NHSL2: variants seen among roughly 807,000 people sequenced by gnomAD.
NHSL2 encodes NHS like 2.
Under a neutral mutation model 53.4 loss-of-function variants are expected in NHSL2, and 27 were observed. The ratio of observed to expected loss-of-function variants is 0.51; its 90% CI spans 0.37 to 0.70. The LOEUF (loss-of-function observed/expected upper bound fraction) is 0.70. Ranked by LOEUF, NHSL2 falls within the 30% of genes least tolerant of loss-of-function variation. The pLI, the probability that NHSL2 is intolerant of heterozygous loss-of-function variation, is 0.00. For missense variants in NHSL2, 892 were observed against 980.1 expected (o/e 0.91, Z 1.20); for synonymous variants, 408 against 404.1 (o/e 1.01, Z -0.12).
At chrX:72,096,082 G>A (rs1360236016) in intron 1 of NHSL2, among the ~76,000 whole-genome samples, 1 of 109,005 alleles carries the variant, frequency 9.2e-6, no homozygotes, top group Non-Finnish European at 1.9e-5. Context: ...CGAGGTCCAA[G>A]CAGAAGGGAG....
intron 1 of NHSL2, among the ~76,000 whole-genome samples, chrX:72,110,824 C>T (rs749452525): frequency 2.6e-4 from 28 of 108,647 alleles, no homozygotes; most frequent in Admixed American, 7.9e-4. Context: ...CTCCTCAGCA[C>T]ACACGGCCAC....
rs996917483 is a variant in NHSL2, at chrX:72,138,952, C to T, written c.1404C>T (p.Pro468=). Residue 468 remains proline, a synonymous_variant, in exon 6 of 8, where the codon CCC becomes CCT. Coordinates refer to ENST00000633930, the MANE Select transcript of NHSL2 (RefSeq NM_001013627.3). ...GCCTTATTCAGCAAAGGCACATGCC[C>T]GAAAGACCCTCCAAGATTGGCCTTC... is the stretch of plus-strand genomic sequence containing the variant. ...PERLIQQRHM[P]ERPSKIGLLT... The T allele has an allele frequency of 2.4e-5, 29 of 1,203,148 alleles. No individual in the cohort carries two copies. The highest frequency in any genetic ancestry group is 2.9e-5 in the Non-Finnish European group (26 of 891,549).
At chrX:72,104,261 C>T (rs2042020496) in intron 1 of NHSL2, among the ~76,000 whole-genome samples, 1 of 112,505 alleles carries the variant, frequency 8.9e-6, no homozygotes, top group Non-Finnish European at 1.9e-5. Context: ...GCTCATGTTA[C>T]TTAATGTGTT....
At chrX:71,992,400 A>G (rs1018274591) in intron 1 of NHSL2, among the ~76,000 whole-genome samples, 3 of 111,442 alleles carry the variant, frequency 2.7e-5, no homozygotes, top group Non-Finnish European at 5.7e-5. Context: ...GGGGAGAAGA[A>G]AGACTGTTTC....
chrX:72,087,355 G>C (rs1438863897), intron 1 of NHSL2, among the ~76,000 whole-genome samples: 1 of 112,218 alleles, frequency 8.9e-6, no homozygotes, highest in Admixed American at 9.4e-5. Context: ...GGGCCTAGGA[G>C]AGGGAGAAAT....
At chrX:72,107,115 A>AAAAT (rs1214836506) in intron 1 of NHSL2, among the ~76,000 whole-genome samples, 2 of 110,721 alleles carry the variant, frequency 1.8e-5, no homozygotes, top group East Asian at 2.8e-4. Context: ...AGTATAATAA[A>AAAAT]AAATAAATAA....
chrX:71,983,200 A>G (rs758883597), intron 1 of NHSL2, among the ~76,000 whole-genome samples: 117 of 111,850 alleles, frequency 1.0e-3, no homozygotes, highest in Admixed American at 1.8e-3. Context: ...ATCACCGGGA[A>G]ATGATCTAAA....
chrX:72,085,736 G>C (rs1366741488), intron 1 of NHSL2, among the ~76,000 whole-genome samples: 39 of 105,523 alleles, frequency 3.7e-4, no homozygotes, highest in African/African-American at 1.3e-3. Flanking sequence ...TTGTGGGGGG[G>C]TATAGTTTGA....
intron 1 of NHSL2, among the ~76,000 whole-genome samples, chrX:71,914,020 A>G (rs1213516612): frequency 8.9e-6 from 1 of 112,747 alleles, no homozygotes; most frequent in Non-Finnish European, 1.9e-5. Context: ...TTCTTTGGTA[A>G]CATGAACCCC....
intron 1 of NHSL2, among the ~76,000 whole-genome samples, chrX:72,024,533 A>G (rs1177632469): frequency 8.9e-6 from 1 of 112,368 alleles, no homozygotes; most frequent in African/African-American, 3.2e-5. Flanking sequence ...AACTCATTTC[A>G]TCCTCACAGG....
At chrX:72,090,127 A>G (rs1475972910) in intron 1 of NHSL2, among the ~76,000 whole-genome samples, 1 of 111,255 alleles carries the variant, frequency 9.0e-6, no homozygotes. Flanking sequence ...GCAGTGGTGC[A>G]ATCATGGCTC....
At chrX:72,074,705 T>C (rs2041726868) in intron 1 of NHSL2, among the ~76,000 whole-genome samples, 2 of 112,871 alleles carry the variant, frequency 1.8e-5, no homozygotes, top group Non-Finnish European at 3.7e-5. Context: ...TGGTAGACCA[T>C]GAAAGCTAAT....
At chrX:72,118,716 G>A (rs923829378) in intron 1 of NHSL2, among the ~76,000 whole-genome samples, 1 of 112,103 alleles carries the variant, frequency 8.9e-6, no homozygotes, top group Non-Finnish European at 1.9e-5. Flanking sequence ...ATGAGCCACC[G>A]TGCCTGGTTT....
At chrX:72,009,450 G>T (rs906986711) in intron 1 of NHSL2, among the ~76,000 whole-genome samples, 1 of 112,875 alleles carries the variant, frequency 8.9e-6, no homozygotes, top group African/African-American at 3.2e-5. Context: ...GTGGAGAAGG[G>T]TGGAAAAGAT....
chrX:72,046,204 A>G (rs1158016602), intron 1 of NHSL2, among the ~76,000 whole-genome samples: 2 of 111,766 alleles, frequency 1.8e-5, no homozygotes, highest in Non-Finnish European at 3.8e-5. Context: ...CCGGCCCACA[A>G]CCTCGTCTGA....
chrX:72,048,555 T>C (rs746712610), intron 1 of NHSL2, among the ~76,000 whole-genome samples: 47 of 109,958 alleles, frequency 4.3e-4, no homozygotes, highest in Non-Finnish European at 7.8e-4. Flanking sequence ...GCTGATGCTC[T>C]ATCCCCACTG....
intron 1 of NHSL2, among the ~76,000 whole-genome samples, chrX:71,928,517 C>CA (rs2041696801): frequency 1.8e-5 from 2 of 112,079 alleles, no homozygotes; most frequent in Non-Finnish European, 3.8e-5. Context: ...CCTTGATGGA[C>CA]ATACAGAGTG....
intron 1 of NHSL2, among the ~76,000 whole-genome samples, chrX:72,056,761 C>T (rs139522492): frequency 8.9e-6 from 1 of 112,732 alleles, no homozygotes; most frequent in African/African-American, 3.2e-5. Context: ...AATTTCCCTC[C>T]CATCCATCCC....
At chrX:72,005,835 G>A (rs1236390489) in intron 1 of NHSL2, among the ~76,000 whole-genome samples, 2 of 111,790 alleles carry the variant, frequency 1.8e-5, no homozygotes, top group Admixed American at 9.4e-5. Context: ...TGGCAATTTC[G>A]GACATGTTGA....
Sources: gnomAD v4.1 joint callset for allele counts (sites outside exome capture counted in the v4.1 genomes callset) on GRCh38, gnomAD v4.1.1 for gene constraint, MANE v1.5 for transcripts, NCBI Gene and HGNC (gene_info 2026-07-23, HGNC 2026-07-21) for gene names.